The following MEP1B variants were observed in gnomAD, a reference collection of about 807,000 sequenced individuals.
MEP1B encodes the protein N-benzoyl-L-tyrosyl-P-amino-benzoic acid hydrolase subunit beta.
MEP1B carries 80 observed loss-of-function variants against 84.6 expected under a neutral mutation model. That is an observed-to-expected ratio of 0.95 (90% CI 0.79 to 1.14). The LOEUF is 1.14. MEP1B is among the 50% of genes most tolerant of loss of function. The pLI is 0.00. For synonymous variants in MEP1B, 273 were observed against 288.1 expected (o/e 0.95, Z 0.53); for missense variants, 766 against 855.1 (o/e 0.90, Z 1.30).
rs767287887 is a variant in MEP1B at position 32,217,118 on chromosome 18, G to A, written c.1886+1G>A. 2 of 1,612,582 alleles carry A rather than the reference G, an allele frequency of 1.2e-6. No homozygotes were observed. Among genetic ancestry groups the A allele is most frequent in the African/African-American group, 2.7e-5 (2 of 74,882 alleles). On this transcript the variant is annotated splice_donor_variant, in intron 13 of 14. Coordinates refer to ENST00000269202, the MANE Select transcript of MEP1B (RefSeq NM_005925.3). LOFTEE classifies it high-confidence loss of function. ...TTCGAGATGGCAAAGCTGAGTGCAG[G>A]TAAGGATGATTTGAAAGAGATCTCT...
intron 9 of MEP1B, among the ~76,000 whole-genome samples, chr18:32,210,124 C>T (rs2041009724): frequency 1.3e-5 from 2 of 152,192 alleles, no homozygotes; most frequent in Non-Finnish European, 2.9e-5. Context: ...GTAGAATCTA[C>T]CTTTTAGCCC....
At chr18:32,209,179 T>C (rs1036261967) in intron 9 of MEP1B, among the ~76,000 whole-genome samples, 4 of 152,210 alleles carry the variant, frequency 2.6e-5, no homozygotes, top group African/African-American at 7.2e-5. Flanking sequence ...ACTAAGCGAA[T>C]ACTTGAAATA....
chr18:32,196,637 G>C lies in MEP1B; in HGVS notation c.250+1152G>C. ...TCACCCTGTGCAGCACCCGCCTGAT[G>C]TTGTCCAGCACGCCACCTCGGGGTG... is the stretch of plus-strand genomic sequence containing the variant. On this transcript the variant is annotated intron_variant, in intron 5 of 14. Transcript: ENST00000269202. This position sits in a 1 kb window ranked among gnomAD's most constrained non-coding sequence, Gnocchi z 4.4. 2 of 709,188 alleles carry C rather than the reference G, an allele frequency of 2.8e-6. No individual in the cohort carries two copies. The highest frequency in any genetic ancestry group is 3.0e-5 in the South Asian group (2 of 67,410). 43.9% of individuals were successfully genotyped at this position (709,188 alleles called of 1,614,324 possible).
Position 32,191,791 on chromosome 18 carries a change from AAT to A in MEP1B, c.64-28_64-27del, listed in dbSNP as rs1469849432. ...GAAGACCATTCCTGGGCATTATAATAATATGTTTTGTTTATGTGTTTATTTCC... is the reference window on the plus strand; with the variant it reads ...GAAGACCATTCCTGGGCATTATAATAATGTTTTGTTTATGTGTTTATTTCC... On this transcript the variant is annotated intron_variant, in intron 1 of 14. Transcript: ENST00000269202. 4 of 1,443,460 alleles carry A rather than the reference AAT, an allele frequency of 2.8e-6. No homozygotes were observed. The Admixed American group carries it at 6.0e-5, about 22-fold the overall frequency. 89.4% of individuals were successfully genotyped at this position (1,443,460 alleles called of 1,614,324 possible).
chr18:32,195,926 T>C (rs1451779950), intron 5 of MEP1B: 2 of 259,594 alleles, frequency 7.7e-6, no homozygotes, highest in Non-Finnish European at 1.5e-5. Flanking sequence ...AAGAGGGCCT[T>C]GCTTCCTCTT....
intron 5 of MEP1B, among the ~76,000 whole-genome samples, chr18:32,197,909 C>T (rs1204753135): frequency 1.3e-5 from 2 of 152,118 alleles, no homozygotes; most frequent in Non-Finnish European, 2.9e-5. Context: ...TCTTGTAGTC[C>T]CCAGTGTCTT....
At chr18:32,212,509 T>C (rs1169993633) in intron 10 of MEP1B, among the ~76,000 whole-genome samples, 3 of 151,988 alleles carry the variant, frequency 2.0e-5, no homozygotes, top group Admixed American at 6.6e-5. Flanking sequence ...GGGCTAATAG[T>C]TGGGGAGGAA....
At chr18:32,195,315 C>G (rs753593396) in intron 4 of MEP1B, 92 bp from the exon 5 acceptor site, 2 of 776,264 alleles carry the variant, frequency 2.6e-6, no homozygotes, top group Non-Finnish European at 4.3e-6. Context: ...ACTGGGAGAG[C>G]TTTAAACTTC....
chr18:32,213,153 A>T lies in MEP1B; in HGVS notation c.1173A>T (p.Thr391=), dbSNP rs1295431767. Residue 391 remains threonine, a synonymous_variant, in exon 11 of 15, where the codon ACA becomes ACT. Coordinates refer to ENST00000269202, the MANE Select transcript of MEP1B (RefSeq NM_005925.3). ...PTGSWQLYHV[T]LKVTKKFRVV... ...GGAGCTGGCAACTTTATCATGTAAC[A>T]TTGAAAGTGACCAAGAAGTTTAGAG... 2 of 1,613,890 alleles carry T rather than the reference A, an allele frequency of 1.2e-6. No homozygotes were observed. The highest frequency in any genetic ancestry group is 1.7e-6 in the Non-Finnish European group (2 of 1,179,874).
intron 5 of MEP1B, 43 bp from the exon 6 acceptor site, chr18:32,202,850 G>T: frequency 7.8e-7 from 1 of 1,284,736 alleles, no homozygotes; most frequent in Non-Finnish European, 1.1e-6. Flanking sequence ...TTTCAGTGGT[G>T]ATTGTTTTAA....
intron 8 of MEP1B, 143 bp downstream of exon 8, chr18:32,207,613 C>G (rs575624726): frequency 2.8e-5 from 18 of 636,738 alleles, no homozygotes; most frequent in Non-Finnish European, 4.6e-5. Flanking sequence ...GAATAGCACT[C>G]AGATCTCAAT....
In MEP1B at chr18:32,192,699, AT is replaced by A. The variant is rs377619755; in HGVS notation, c.127+17del. The A allele has an allele frequency of 1.6e-5, 25 of 1,612,516 alleles. No individual in the cohort carries two copies. The South Asian group carries it at 1.6e-4, about 11-fold the overall frequency. On this transcript the variant is annotated intron_variant, in intron 3 of 14. Coordinates refer to ENST00000269202, the MANE Select transcript of MEP1B (RefSeq NM_005925.3). The stretch of plus-strand genomic sequence containing the variant: ...ATTTGATATCAATGAAGGTTTGTGG[AT>A]TTTTTTTACATAATCTCTTAAGTAG...
rs918421892 is a variant in MEP1B at position 32,191,712 on chromosome 18, A to G, written c.64-110A>G. The G allele has an allele frequency of 5.9e-5, 39 of 664,140 alleles. 1 individual carries two copies. Among genetic ancestry groups the G allele is most frequent in the East Asian group, 5.3e-4 (18 of 34,016 alleles). The allele number at this position is 664,140 out of a possible 1,614,324, so 41.1% of individuals were successfully genotyped here. On this transcript the variant is annotated intron_variant, in intron 1 of 14. Coordinates refer to ENST00000269202, the MANE Select transcript of MEP1B (RefSeq NM_005925.3). The stretch of plus-strand genomic sequence containing the variant: ...AATACATGTCAGGAAGTAATCCATA[A>G]TATTAATGACAAAACAAACAAACAA...
At chr18:32,209,025 G>T (rs566449728) in intron 9 of MEP1B, among the ~76,000 whole-genome samples, 16 of 152,310 alleles carry the variant, frequency 1.1e-4, no homozygotes, top group Non-Finnish European at 2.1e-4. Context: ...GAAGAATCCA[G>T]ACCAGGTAGC....
rs546596035 is a variant in MEP1B, at chr18:32,193,564, A to G, written c.171+747A>G. On this transcript the variant is annotated intron_variant, in intron 4 of 14. Coordinates refer to ENST00000269202, the MANE Select transcript of MEP1B (RefSeq NM_005925.3). The stretch of plus-strand genomic sequence containing the variant: ...AGGAATGTGTTTAGAACATGTTATT[A>G]TACTGGAGAGTGTATAAATTTGAAA... Among the ~76,000 whole-genome samples, 5 of 152,336 alleles carry G rather than the reference A, an allele frequency of 3.3e-5. No homozygotes were observed. The South Asian group carries it at 6.2e-4, about 19-fold the overall frequency.
At chr18:32,218,585 T>A (rs1443398060) in intron 14 of MEP1B, among the ~76,000 whole-genome samples, 1 of 151,522 alleles carries the variant, frequency 6.6e-6, no homozygotes, top group East Asian at 1.9e-4. Context: ...ACGCAGGAGG[T>A]TTATTGGGGA....
intron 7 of MEP1B, 111 bp from the exon 8 acceptor site, chr18:32,207,141 G>A: frequency 4.5e-6 from 3 of 671,236 alleles, no homozygotes; most frequent in Non-Finnish European, 7.6e-6. Flanking sequence ...GTTAGTTGTA[G>A]CAAAAATTGC....
chr18:32,200,157 G>C (rs1364289472), intron 5 of MEP1B, among the ~76,000 whole-genome samples: 1 of 151,806 alleles, frequency 6.6e-6, no homozygotes, highest in Non-Finnish European at 1.5e-5. Context: ...CATAGTCTCT[G>C]GCGTATTATA....
chr18:32,197,834 A>G (rs2040871596), intron 5 of MEP1B, among the ~76,000 whole-genome samples: 1 of 152,176 alleles, frequency 6.6e-6, no homozygotes, highest in East Asian at 1.9e-4. Flanking sequence ...TGAACCCATC[A>G]CCCAGGAGTT....
Sources: gnomAD v4.1 joint callset for allele counts (sites outside exome capture counted in the v4.1 genomes callset) on GRCh38, gnomAD v4.1.1 for gene constraint, Gnocchi (gnomAD v3.1) non-coding constraint, MANE v1.5 for transcripts, NCBI Gene and HGNC (gene_info 2026-07-23, HGNC 2026-07-21) for gene names.